Variants in GRIN2B observed in about 807,000 individuals in gnomAD.
The protein encoded by GRIN2B is glutamate ionotropic receptor NMDA type subunit 2B, also known as glutamate receptor ionotropic, NMDA 2B.
A neutral mutation model predicts 114.5 loss-of-function variants in GRIN2B; 5 were observed. The observed-to-expected ratio is 0.04, with a 90% CI of 0.02 to 0.09. The LOEUF (loss-of-function observed/expected upper bound fraction) is 0.09. Ranked by LOEUF, GRIN2B falls within the 10% of genes least tolerant of loss-of-function variation. The pLI, the probability that GRIN2B is intolerant of heterozygous loss-of-function variation, is 1.00. For missense variants in GRIN2B, 1,108 were observed against 1,943.5 expected (o/e 0.57, Z 8.08); for synonymous variants, 787 against 745.1 (o/e 1.06, Z -0.92).
In GRIN2B at chr12:13,555,540, A is replaced by C. The variant is rs1319586274; in HGVS notation, c.*7243T>G. 2 of 152,190 alleles carry C rather than the reference A, an allele frequency of 1.3e-5. No individual in the cohort carries two copies. The highest frequency in any genetic ancestry group is 1.3e-4 in the Admixed American group (2 of 15,266). 9.4% of individuals were successfully genotyped at this position (152,190 alleles called of 1,614,324 possible). ...GCAGGTAGATGTGTGGAAGGAATTA[A>C]AGATGCAAAAGAGAGAAATACAATT... On this transcript the variant is annotated 3_prime_UTR_variant, in exon 14 of 14. Coordinates refer to ENST00000609686, the MANE Select transcript of GRIN2B (RefSeq NM_000834.5).
chr12:13,561,330 G>A lies in GRIN2B; in HGVS notation c.*1453C>T, dbSNP rs201875516. The A allele has an allele frequency of 2.0e-5, 3 of 152,158 alleles. No homozygotes were observed. Among genetic ancestry groups the A allele is most frequent in the Non-Finnish European group, 4.4e-5 (3 of 68,086 alleles). 9.4% of individuals were successfully genotyped at this position (152,158 alleles called of 1,614,324 possible). ...GGGAGCCAGGCCCAAAGAGGTGGTG[G>A]AGGGTCCCTCTCTGCCCCCGTCTCC... On this transcript the variant is annotated 3_prime_UTR_variant, in exon 14 of 14. Coordinates refer to ENST00000609686, the MANE Select transcript of GRIN2B (RefSeq NM_000834.5).
intron 3 of GRIN2B, among the ~76,000 whole-genome samples, chr12:13,839,168 C>A (rs910406839): frequency 1.3e-5 from 2 of 152,206 alleles, no homozygotes; most frequent in Non-Finnish European, 2.9e-5. Context: ...GTGAATGAAG[C>A]TACAGCAAAG....
rs1247352447 is a variant in GRIN2B, at chr12:13,564,598, G to A, written c.2640C>T (p.Arg880=). The A allele has an allele frequency of 1.9e-6, 3 of 1,613,866 alleles. No individual in the cohort carries two copies. The highest frequency in any genetic ancestry group is 2.5e-6 in the Non-Finnish European group (3 of 1,180,010). ...SCIHGVAIEE[R]QSVMNSPTAT... is the part of the protein sequence containing the mutation. ...CGGTGGGGGAGTTCATTACAGACTG[G>A]CGCTCCTCGATCGCCACCCCATGGA... The change falls in exon 14 of 14, where the codon CGC becomes CGT. Residue 880 remains arginine, a synonymous_variant. Coordinates refer to ENST00000609686, the MANE Select transcript of GRIN2B (RefSeq NM_000834.5). The surrounding 1 kb of genome is among the most constrained non-coding windows in gnomAD (Gnocchi z 4.8).
At chr12:13,880,992 G>A (rs1306577439) in intron 2 of GRIN2B, among the ~76,000 whole-genome samples, 2 of 139,336 alleles carry the variant, frequency 1.4e-5, no homozygotes, top group East Asian at 4.0e-4. Flanking sequence ...AGGGGTATAA[G>A]GTTGTGTGTG....
chr12:13,834,353 A>G (rs938741867), intron 3 of GRIN2B, among the ~76,000 whole-genome samples: 4 of 151,968 alleles, frequency 2.6e-5, no homozygotes, highest in Non-Finnish European at 5.9e-5. Context: ...GCTAACTTCT[A>G]GAACTAGAAG....
intron 4 of GRIN2B, among the ~76,000 whole-genome samples, chr12:13,685,109 T>A (rs970576119): frequency 2.0e-5 from 3 of 152,316 alleles, no homozygotes; most frequent in Admixed American, 2.0e-4. Flanking sequence ...AGGTATGATA[T>A]CAACGGAAAA....
intron 3 of GRIN2B, among the ~76,000 whole-genome samples, chr12:13,801,634 C>T (rs903244782): frequency 2.6e-5 from 4 of 152,094 alleles, no homozygotes; most frequent in Non-Finnish European, 4.4e-5. Context: ...GAATTCCTTC[C>T]GGGTGAGGTG....
chr12:13,705,810 G>C (rs1303529505), intron 4 of GRIN2B, among the ~76,000 whole-genome samples: 1 of 152,124 alleles, frequency 6.6e-6, no homozygotes, highest in Non-Finnish European at 1.5e-5. Context: ...TAAACCCTTT[G>C]ATGAACAGTG....
At chr12:13,797,321 C>T (rs1443028623) in intron 3 of GRIN2B, among the ~76,000 whole-genome samples, 1 of 152,178 alleles carries the variant, frequency 6.6e-6, no homozygotes, top group Non-Finnish European at 1.5e-5. Flanking sequence ...TTCCCCACCC[C>T]CTAATACATC....
chr12:13,710,598 C>G (rs368933202), intron 4 of GRIN2B, among the ~76,000 whole-genome samples: 139 of 152,054 alleles, frequency 9.1e-4, no homozygotes, highest in East Asian at 5.2e-3. Context: ...GACAAACAGA[C>G]AGCCAAATCA....
At chr12:13,784,205 C>T (rs1232431606) in intron 3 of GRIN2B, among the ~76,000 whole-genome samples, 4 of 114,138 alleles carry the variant, frequency 3.5e-5, no homozygotes, top group African/African-American at 1.3e-4. Context: ...GCCTGGGCAA[C>T]AGAGTGAGAC....
intron 5 of GRIN2B, among the ~76,000 whole-genome samples, chr12:13,644,235 C>T (rs968078921): frequency 1.1e-4 from 17 of 152,196 alleles, no homozygotes; most frequent in Admixed American, 3.9e-4. Context: ...ATTGTGTTGA[C>T]TGGCATGAAA....
intron 3 of GRIN2B, among the ~76,000 whole-genome samples, chr12:13,766,287 GT>G (rs1863787132): frequency 6.6e-6 from 1 of 152,224 alleles, no homozygotes; most frequent in Admixed American, 6.5e-5. Flanking sequence ...CCATCATGAA[GT>G]TTAGAATATA....
At position 13,563,355 on chromosome 12, in the gene GRIN2B, G is replaced by A. The variant is rs560662030; in HGVS notation, c.3883C>T (p.Arg1295Trp). 1 of 1,614,164 alleles carries A rather than the reference G, an allele frequency of 6.2e-7. No individual in the cohort carries two copies. Among genetic ancestry groups the A allele is most frequent in the Admixed American group, 1.7e-5 (1 of 60,016 alleles). ...PTNSKAQKKN[R>W]NKLRRQHSYD... ...GAGTGCTGCCGGCGCAGTTTGTTCCGGTTCTTCTTCTGGGCCTTGGAATTA... is the reference window on the plus strand; with the variant it reads ...GAGTGCTGCCGGCGCAGTTTGTTCCAGTTCTTCTTCTGGGCCTTGGAATTA... Residue 1295 changes from arginine (R) to tryptophan (W), a missense_variant, in exon 14 of 14, where the codon CGG becomes TGG. Arg to Trp is a moderately radical substitution (Grantham distance 101). This residue lies in a region of GRIN2B where 478 missense variants were observed against 506.0 expected (regional missense o/e 0.94). Transcript: ENST00000609686.
At chr12:13,666,927 G>A (rs2136532516) in intron 5 of GRIN2B, among the ~76,000 whole-genome samples, 1 of 152,284 alleles carries the variant, frequency 6.6e-6, no homozygotes, top group East Asian at 1.9e-4. Flanking sequence ...AGCTTGTTTG[G>A]TGAAAAATAT....
intron 10 of GRIN2B, among the ~76,000 whole-genome samples, chr12:13,581,117 C>A (rs1312584912): frequency 6.6e-6 from 1 of 152,136 alleles, no homozygotes; most frequent in Non-Finnish European, 1.5e-5. Flanking sequence ...CAGCTGTAAA[C>A]ATTCATGTAC....
chr12:13,785,922 T>C (rs1181399987), intron 3 of GRIN2B, among the ~76,000 whole-genome samples: 1 of 152,222 alleles, frequency 6.6e-6, no homozygotes, highest in African/African-American at 2.4e-5. Context: ...TAAGTAATGT[T>C]TTCATTTGAA....
intron 10 of GRIN2B, among the ~76,000 whole-genome samples, chr12:13,587,518 C>G (rs1442337746): frequency 1.3e-5 from 2 of 151,876 alleles, no homozygotes; most frequent in African/African-American, 4.8e-5. Flanking sequence ...CCATGCCCAG[C>G]TAATTTTTAA....
chr12:13,760,208 G>A (rs1166532380), intron 3 of GRIN2B, among the ~76,000 whole-genome samples: 1 of 152,116 alleles, frequency 6.6e-6, no homozygotes, highest in African/African-American at 2.4e-5. Flanking sequence ...GAACTCACCT[G>A]CCTCTTCCCA....
Sources: allele counts gnomAD v4.1 joint callset (sites outside exome capture counted in the v4.1 genomes callset), GRCh38; gene constraint gnomAD v4.1.1; regional missense constraint gnomAD v4.1.1; non-coding constraint Gnocchi (gnomAD v3.1); transcripts MANE v1.5; gene names NCBI Gene and HGNC (gene_info 2026-07-23, HGNC 2026-07-21).